VAT1L: variants seen among roughly 807,000 people sequenced by gnomAD.
The protein encoded by VAT1L is putative NADPH-dependent quinone oxidoreductase VAT1L.
Under a neutral mutation model 44.1 loss-of-function variants are expected in VAT1L, and 34 were observed. The observed-to-expected ratio is 0.77, with a 90% CI of 0.59 to 1.03. The LOEUF is 1.03. Ranked by LOEUF, VAT1L falls within the 50% of genes least tolerant of loss-of-function variation. VAT1L has a pLI of 0.00. For synonymous variants in VAT1L, 253 were observed against 202.2 expected, an observed-to-expected ratio of 1.25 and a Z score of -2.13; for missense variants, 615 against 538.8, an observed-to-expected ratio of 1.14 and a Z score of -1.40.
chr16:77,868,503 A>T (rs1278722606), intron 4 of VAT1L, among the ~76,000 whole-genome samples: 2 of 152,326 alleles, frequency 1.3e-5, no homozygotes, highest in African/African-American at 4.8e-5. Flanking sequence ...GGTCTTCCAC[A>T]TTGTATGAAG....
At chr16:77,973,172 G>T (rs531414274) in intron 8 of VAT1L, among the ~76,000 whole-genome samples, 1 of 152,198 alleles carries the variant, frequency 6.6e-6, no homozygotes. Flanking sequence ...CCCTGTTTAT[G>T]ACCTGGGCAA....
intron 1 of VAT1L, among the ~76,000 whole-genome samples, chr16:77,806,656 T>C (rs2016165928): frequency 6.6e-6 from 1 of 152,248 alleles, no homozygotes. Flanking sequence ...TCTCTTTATT[T>C]TTCTAATCTT....
chr16:77,924,780 C>G (rs904274576), intron 7 of VAT1L, among the ~76,000 whole-genome samples: 1 of 151,988 alleles, frequency 6.6e-6, no homozygotes, highest in Admixed American at 6.5e-5. Flanking sequence ...ATTTTCATAT[C>G]CCCTCAACCC....
Position 77,884,355 on chromosome 16 carries a change from A to C in VAT1L, c.883-253A>C, listed in dbSNP as rs2017186514. Among the ~76,000 whole-genome samples the C allele has an allele frequency of 6.6e-6, 1 of 152,080 alleles. No homozygotes were observed. Among genetic ancestry groups the C allele is most frequent in the Admixed American group, 6.5e-5 (1 of 15,270 alleles). On this transcript the variant is annotated intron_variant, in intron 6 of 8. Transcript: ENST00000302536. This position sits in a 1 kb window ranked among gnomAD's most constrained non-coding sequence, Gnocchi z 4.5. The stretch of plus-strand genomic sequence containing the variant: ...AGAGAATTACTTGAACCCGGGAGGC[A>C]GACGTTGCAGTAAGCTGAGATCATG...
intron 4 of VAT1L, among the ~76,000 whole-genome samples, chr16:77,864,124 T>G (rs2016944951): frequency 6.6e-6 from 1 of 152,154 alleles, no homozygotes; most frequent in Non-Finnish European, 1.5e-5. Flanking sequence ...TTTAGATGAT[T>G]TTGTGTGTCT....
At chr16:77,861,980 G>C (rs1010347381) in intron 3 of VAT1L, among the ~76,000 whole-genome samples, 5 of 152,154 alleles carry the variant, frequency 3.3e-5, no homozygotes, top group Admixed American at 2.0e-4. Context: ...TCATTGTCCA[G>C]GTAAAATACC....
intron 7 of VAT1L, among the ~76,000 whole-genome samples, chr16:77,928,657 GC>G (rs2017695375): frequency 6.6e-6 from 1 of 152,252 alleles, no homozygotes; most frequent in Admixed American, 6.5e-5. Context: ...TTGAAAGCAA[GC>G]CCCTCGTAAA....
intron 1 of VAT1L, among the ~76,000 whole-genome samples, chr16:77,815,732 A>G (rs12926256): frequency 6.6e-6 from 1 of 151,536 alleles, no homozygotes; most frequent in Non-Finnish European, 1.5e-5. Context: ...AATTTGGGAG[A>G]CCAAGGTGGG....
chr16:77,877,730 G>A (rs113808277), intron 5 of VAT1L, among the ~76,000 whole-genome samples: 1,605 of 152,146 alleles, frequency 0.011, 42 homozygotes, highest in African/African-American at 0.037. Context: ...GCTATTTCCT[G>A]AAGAGCTTAT....
At chr16:77,816,842 G>T in intron 1 of VAT1L, 79 bp from the exon 2 acceptor site, 2 of 1,476,660 alleles carry the variant, frequency 1.4e-6, no homozygotes, top group Non-Finnish European at 1.8e-6. Context: ...GAAAAGAAAA[G>T]AAAGAAAAGA....
intron 7 of VAT1L, among the ~76,000 whole-genome samples, chr16:77,922,683 C>T (rs571546002): frequency 5.3e-5 from 8 of 152,190 alleles, no homozygotes; most frequent in Non-Finnish European, 1.2e-4. Flanking sequence ...ATGTGCCTGG[C>T]AGTGTTTTAG....
intron 3 of VAT1L, among the ~76,000 whole-genome samples, chr16:77,847,363 C>T (rs1284593930): frequency 1.3e-5 from 2 of 152,146 alleles, no homozygotes; most frequent in African/African-American, 4.8e-5. Flanking sequence ...ATCACCTCTC[C>T]CCCGGTCTTC....
intron 7 of VAT1L, among the ~76,000 whole-genome samples, chr16:77,903,235 A>G (rs2017403437): frequency 6.6e-6 from 1 of 152,216 alleles, no homozygotes; most frequent in African/African-American, 2.4e-5. Context: ...TACGATAGAT[A>G]CAGCATATGA....
At chr16:77,948,411 A>G (rs144812388) in intron 7 of VAT1L, among the ~76,000 whole-genome samples, 234 of 152,304 alleles carry the variant, frequency 1.5e-3, no homozygotes, top group African/African-American at 5.3e-3. Flanking sequence ...TTGCAACACC[A>G]TCATCAAACA....
intron 7 of VAT1L, among the ~76,000 whole-genome samples, chr16:77,968,946 G>C (rs1338329952): frequency 6.6e-6 from 1 of 151,950 alleles, no homozygotes; most frequent in Non-Finnish European, 1.5e-5. Context: ...AGCCTCCCAA[G>C]CAGCTGGGAT....
intron 1 of VAT1L, among the ~76,000 whole-genome samples, chr16:77,797,437 T>G (rs2015958074): frequency 6.6e-6 from 1 of 152,170 alleles, no homozygotes; most frequent in African/African-American, 2.4e-5. Context: ...GATGCTAGCT[T>G]TCAAAGCCAC....
chr16:77,895,072 G>A (rs535920472), intron 7 of VAT1L, among the ~76,000 whole-genome samples: 1 of 115,652 alleles, frequency 8.6e-6, no homozygotes, highest in South Asian at 2.7e-4. Context: ...AAATTTTTCA[G>A]TTCAACGTGA....
At chr16:77,918,730 A>T (rs79561366) in intron 7 of VAT1L, among the ~76,000 whole-genome samples, 1 of 152,174 alleles carries the variant, frequency 6.6e-6, no homozygotes, top group Non-Finnish European at 1.5e-5. Flanking sequence ...AGCCCTCCCA[A>T]GCTGATCATT....
At chr16:77,927,566 A>C (rs990556583) in intron 7 of VAT1L, among the ~76,000 whole-genome samples, 1 of 151,814 alleles carries the variant, frequency 6.6e-6, no homozygotes. Flanking sequence ...GCCTGTCCTG[A>C]TTTGCACCTC....
Sources: gnomAD v4.1 joint callset for allele counts (sites outside exome capture counted in the v4.1 genomes callset) on GRCh38, gnomAD v4.1.1 for gene constraint, Gnocchi (gnomAD v3.1) non-coding constraint, MANE v1.5 for transcripts, NCBI Gene and HGNC (gene_info 2026-07-23, HGNC 2026-07-21) for gene names.